The following OGDH variants were observed in gnomAD, a reference collection of about 807,000 sequenced individuals.
OGDH encodes 2-oxoglutarate dehydrogenase complex component E1.
In OGDH, 38 loss-of-function variants were observed where a neutral mutation model predicts 116.6. That is an observed-to-expected ratio of 0.33 (90% confidence interval 0.25 to 0.43). The LOEUF is 0.43. Ranked by LOEUF, OGDH falls within the 20% of genes least tolerant of loss-of-function variation. OGDH has a pLI of 1.00. For synonymous variants in OGDH, 488 were observed against 533.3 expected (o/e 0.92, Z 1.17); for missense variants, 825 against 1,357.2 (o/e 0.61, Z 6.16).
intron 4 of OGDH, among the ~76,000 whole-genome samples, chr7:44,653,289 C>G (rs991268869): frequency 6.6e-6 from 1 of 151,996 alleles, no homozygotes; most frequent in Non-Finnish European, 1.5e-5. Flanking sequence ...GAAGGGGTTT[C>G]ACTGTGTTGG....
intron 2 of OGDH, among the ~76,000 whole-genome samples, chr7:44,625,473 A>C (rs1785168526): frequency 6.6e-6 from 1 of 152,160 alleles, no homozygotes; most frequent in Non-Finnish European, 1.5e-5. Context: ...GAGCCAATAA[A>C]TATTTATAGG....
intron 2 of OGDH, among the ~76,000 whole-genome samples, chr7:44,636,562 A>G (rs918745099): frequency 9.9e-5 from 15 of 152,230 alleles, no homozygotes; most frequent in African/African-American, 3.1e-4. Context: ...GCTGAATATC[A>G]TCTGAATTTA....
chr7:44,697,875 C>T lies in OGDH; in HGVS notation c.2358+93C>T. 5 of 1,410,054 alleles carry T rather than the reference C, an allele frequency of 3.5e-6. No homozygotes were observed. The highest frequency in any genetic ancestry group is 1.4e-5 in the African/African-American group (1 of 69,844). 87.3% of individuals were successfully genotyped at this position (1,410,054 alleles called of 1,614,324 possible). ...AAGACTGGCACGAGAGCCAGTGGCTCACACCAGCCTCCTAAGGACTCTGCT... is the reference window on the plus strand; with the variant it reads ...AAGACTGGCACGAGAGCCAGTGGCTTACACCAGCCTCCTAAGGACTCTGCT... On this transcript the variant is annotated intron_variant, in intron 17 of 22. Coordinates refer to ENST00000222673, the MANE Select transcript of OGDH (RefSeq NM_002541.4). This position sits in a 1 kb window ranked among gnomAD's most constrained non-coding sequence, Gnocchi z 6.0.
intron 10 of OGDH, among the ~76,000 whole-genome samples, chr7:44,689,184 C>T (rs1399202538): frequency 6.7e-6 from 1 of 149,556 alleles, no homozygotes; most frequent in Non-Finnish European, 1.5e-5. Context: ...TTTTTACATT[C>T]CCACTGGAAA....
chr7:44,643,187 G>A (rs902403654), intron 2 of OGDH, among the ~76,000 whole-genome samples: 10 of 151,768 alleles, frequency 6.6e-5, no homozygotes, highest in African/African-American at 9.7e-5. Context: ...TATTGCCCAG[G>A]CCAGCCTTGA....
chr7:44,690,712 A>G (rs1414857774), intron 10 of OGDH, among the ~76,000 whole-genome samples: 1 of 152,220 alleles, frequency 6.6e-6, no homozygotes, highest in East Asian at 1.9e-4. Context: ...ATGAAGGCAC[A>G]GAAGCTCATA....
intron 4 of OGDH, among the ~76,000 whole-genome samples, chr7:44,650,308 G>T (rs61646282): frequency 1.3e-5 from 2 of 152,036 alleles, no homozygotes; most frequent in Non-Finnish European, 2.9e-5. Flanking sequence ...TTCAAGACCC[G>T]TCGTCTCATT....
At chr7:44,703,013 A>G (rs1242202150) in intron 20 of OGDH, among the ~76,000 whole-genome samples, 2 of 152,202 alleles carry the variant, frequency 1.3e-5, no homozygotes, top group Non-Finnish European at 2.9e-5. Flanking sequence ...TATGGAACTC[A>G]TAAGTGAAAT....
intron 2 of OGDH, among the ~76,000 whole-genome samples, chr7:44,627,951 A>G (rs1194104192): frequency 6.6e-6 from 1 of 152,218 alleles, no homozygotes; most frequent in Non-Finnish European, 1.5e-5. Context: ...TGCTGGGATT[A>G]CAGGCGTGAG....
intron 1 of OGDH, among the ~76,000 whole-genome samples, chr7:44,610,341 C>T (rs371102374): frequency 2.0e-5 from 3 of 151,840 alleles, no homozygotes; most frequent in Non-Finnish European, 2.9e-5. Flanking sequence ...GATGGAGTCT[C>T]GTTCTGTCCC....
At chr7:44,653,279 G>A (rs958431887) in intron 4 of OGDH, among the ~76,000 whole-genome samples, 2 of 152,104 alleles carry the variant, frequency 1.3e-5, no homozygotes, top group Non-Finnish European at 2.9e-5. Context: ...TTTTAGTAGA[G>A]AAGGGGTTTC....
intron 2 of OGDH, among the ~76,000 whole-genome samples, chr7:44,628,439 AT>A (rs1434225322): frequency 6.9e-6 from 1 of 144,150 alleles, no homozygotes; most frequent in Non-Finnish European, 1.5e-5. Context: ...CTTATTTTTA[AT>A]TTTATTTATT....
intron 2 of OGDH, among the ~76,000 whole-genome samples, chr7:44,635,170 C>T (rs573948018): frequency 1.1e-3 from 174 of 152,304 alleles, no homozygotes; most frequent in African/African-American, 4.1e-3. Flanking sequence ...GGCTGAACTC[C>T]AGGCTGGCTG....
In OGDH at chr7:44,674,420, G is replaced by T. The variant is rs2116154136; in HGVS notation, c.798G>T (p.Glu266Asp). The change falls in exon 7 of 23, where the codon GAG (glutamate) becomes GAT (aspartate). Residue 266 changes from glutamate (E) to aspartate (D), a missense_variant. By Grantham distance (45) the Glu-to-Asp change is conservative (BLOSUM62 2). This residue lies in a region of OGDH where 171 missense variants were observed against 276.8 expected (regional missense o/e 0.62). Coordinates refer to ENST00000222673, the MANE Select transcript of OGDH (RefSeq NM_002541.4). Reference protein sequence around the residue: ...ARLVRSTRFEEFLQRKWSSEK... With the variant: ...ARLVRSTRFEDFLQRKWSSEK... ...TTGGTTCCCTGTCCAGGTTTGAGGAGTTCCTACAGCGGAAGTGGTCCTCTG... is the reference window on the plus strand; with the variant it reads ...TTGGTTCCCTGTCCAGGTTTGAGGATTTCCTACAGCGGAAGTGGTCCTCTG... 1 of 1,614,158 alleles carries T rather than the reference G, an allele frequency of 6.2e-7. No individual in the cohort carries two copies. Among genetic ancestry groups the T allele is most frequent in the Middle Eastern group, 1.6e-4 (1 of 6,062 alleles).
In OGDH at chr7:44,694,381, G is replaced by A. The variant is rs1460426567; in HGVS notation, c.1516-43G>A. The A allele has an allele frequency of 1.2e-6, 2 of 1,606,770 alleles. No homozygotes were observed. Among genetic ancestry groups the A allele is most frequent in the East Asian group, 2.2e-5 (1 of 44,728 alleles). ...TGCCTGAACAGCACTTCTTCCCAAG[G>A]GGCCAGCCCTTGTCTCTGACATCCT... is the stretch of plus-strand genomic sequence containing the variant. On this transcript the variant is annotated intron_variant, in intron 11 of 22. Transcript: ENST00000222673. The surrounding 1 kb of genome is among the most constrained non-coding windows in gnomAD (Gnocchi z 4.2).
intron 4 of OGDH, among the ~76,000 whole-genome samples, chr7:44,650,459 A>T (rs908172652): frequency 6.6e-6 from 1 of 152,178 alleles, no homozygotes; most frequent in African/African-American, 2.4e-5. Flanking sequence ...GGGTGATGGT[A>T]CCTACCTCCT....
chr7:44,708,611 C>T lies in OGDH; in HGVS notation c.*612C>T, dbSNP rs958768481. On this transcript the variant is annotated 3_prime_UTR_variant, in exon 23 of 23. Transcript: ENST00000222673. Reference sequence around the variant, plus strand: ...CAGTGTCCATTATCTGCTGTTCCTTCGAGGGTTCCAGGCTGTGTGTGGGGC... The same window carrying T: ...CAGTGTCCATTATCTGCTGTTCCTTTGAGGGTTCCAGGCTGTGTGTGGGGC... 5.3e-5 allele frequency: 8 copies of T among 152,358 alleles called. No homozygotes were observed. The highest frequency in any genetic ancestry group is 1.2e-4 in the African/African-American group (5 of 41,460). 9.4% of individuals were successfully genotyped at this position (152,358 alleles called of 1,614,324 possible). A position where few individuals can be genotyped will look rare whatever the true frequency, so the allele number is the denominator to read the frequency against.
intron 10 of OGDH, among the ~76,000 whole-genome samples, chr7:44,682,314 G>T (rs1279643282): frequency 6.6e-6 from 1 of 151,776 alleles, no homozygotes; most frequent in African/African-American, 2.4e-5. Flanking sequence ...GAACCCGAGA[G>T]GTGAAGGTTA....
At chr7:44,669,741 G>A (rs1402371028) in intron 5 of OGDH, among the ~76,000 whole-genome samples, 1 of 150,774 alleles carries the variant, frequency 6.6e-6, no homozygotes, top group African/African-American at 2.4e-5. Context: ...GTCTGAGATG[G>A]TTGGACCTGT....
Sources: gnomAD v4.1 joint callset for allele counts (sites outside exome capture counted in the v4.1 genomes callset) on GRCh38, gnomAD v4.1.1 for gene constraint, gnomAD v4.1.1 regional missense constraint, Gnocchi (gnomAD v3.1) non-coding constraint, MANE v1.5 for transcripts, NCBI Gene and HGNC (gene_info 2026-07-23, HGNC 2026-07-21) for gene names.